The following FBXO25 variants were observed in gnomAD, a reference collection of about 807,000 sequenced individuals.
The protein encoded by FBXO25 is F-box protein 25, also known as F-box only protein 25.
Under a neutral mutation model 51.9 loss-of-function variants are expected in FBXO25, and 45 were observed. The observed-to-expected ratio is 0.87, with a 90% confidence interval of 0.68 to 1.11. FBXO25 has a LOEUF of 1.11. FBXO25 is among the 50% of genes most tolerant of loss of function. The pLI is 0.00. For synonymous variants in FBXO25, 199 were observed against 151.0 expected (o/e 1.32, Z -2.33); for missense variants, 507 against 428.5 (o/e 1.18, Z -1.62).
intron 4 of FBXO25, 74 bp from the exon 5 acceptor site, chr8:435,541 C>T (rs1045385583): frequency 7.3e-6 from 11 of 1,510,078 alleles, no homozygotes; most frequent in African/African-American, 1.4e-5. Flanking sequence ...TTTTTAATCG[C>T]ACAATTAATT....
chr8:407,433 C>T (rs1253083492), intron 1 of FBXO25: 10 of 984,412 alleles, frequency 1.0e-5, no homozygotes, highest in East Asian at 2.3e-4. Context: ...TGGGGGCGGC[C>T]GGCGGGTGTG....
rs186513585 is a variant in FBXO25, at chr8:434,360, C to G, written c.289-1255C>G. 8.4e-4 allele frequency among the ~76,000 whole-genome samples: 128 copies of G among 152,302 alleles called. 1 individual carries two copies. The highest frequency in any genetic ancestry group is 1.3e-3 in the Admixed American group (20 of 15,302). On this transcript the variant is annotated intron_variant, in intron 4 of 9. Coordinates refer to ENST00000350302, the MANE Select transcript of FBXO25 (RefSeq NM_183420.2). ...CCTTGGAAAGTGCCTGCTGCACCAT[C>G]GTGTGGAATATCAGCTGTGATGGAT...
chr8:418,311 T>G (rs754068810), intron 2 of FBXO25, among the ~76,000 whole-genome samples: 1 of 151,746 alleles, frequency 6.6e-6, no homozygotes, highest in Non-Finnish European at 1.5e-5. Flanking sequence ...TTCCTTTCCT[T>G]TCTTTTGTTC....
chr8:408,509 A>C (rs1197091587), intron 1 of FBXO25, among the ~76,000 whole-genome samples: 1 of 152,204 alleles, frequency 6.6e-6, no homozygotes, highest in Non-Finnish European at 1.5e-5. Flanking sequence ...ACATAATGAA[A>C]CTTGTAAAAC....
At chr8:423,431 T>G (rs1484834965) in intron 2 of FBXO25, among the ~76,000 whole-genome samples, 1 of 152,176 alleles carries the variant, frequency 6.6e-6, no homozygotes, top group Non-Finnish European at 1.5e-5. Context: ...GTAGTTTTTT[T>G]TAACCCACCC....
chr8:467,468 G>C (rs952419726), intron 9 of FBXO25, among the ~76,000 whole-genome samples: 3 of 152,180 alleles, frequency 2.0e-5, no homozygotes, highest in Non-Finnish European at 4.4e-5. Flanking sequence ...AGACTTAAAG[G>C]TAGAGATATG....
intron 1 of FBXO25, among the ~76,000 whole-genome samples, chr8:408,295 G>T (rs186217877): frequency 6.6e-6 from 1 of 151,002 alleles, no homozygotes; most frequent in East Asian, 1.9e-4. Flanking sequence ...ATCATTACTT[G>T]AAATCATATT....
chr8:455,868 G>A (rs1007339018), intron 7 of FBXO25, among the ~76,000 whole-genome samples: 5 of 152,308 alleles, frequency 3.3e-5, no homozygotes, highest in South Asian at 4.1e-4. Context: ...TCGAGATTTC[G>A]TTTGGATGAG....
intron 2 of FBXO25, among the ~76,000 whole-genome samples, chr8:415,653 TATTG>T: frequency 6.6e-6 from 1 of 152,246 alleles, no homozygotes; most frequent in Admixed American, 6.5e-5. Context: ...GTGAGTCACA[TATTG>T]ATTGGACTAG....
intron 9 of FBXO25, among the ~76,000 whole-genome samples, chr8:465,728 G>A (rs2116844652): frequency 6.6e-6 from 1 of 152,318 alleles, no homozygotes; most frequent in East Asian, 1.9e-4. Context: ...CTTAACATGT[G>A]TAGTTTTCCA....
At chr8:423,670 C>T (rs1797292457) in intron 2 of FBXO25, among the ~76,000 whole-genome samples, 1 of 152,180 alleles carries the variant, frequency 6.6e-6, no homozygotes, top group Non-Finnish European at 1.5e-5. Flanking sequence ...ATAGGTACCA[C>T]ATTTTCTTTA....
intron 2 of FBXO25, among the ~76,000 whole-genome samples, chr8:415,997 G>T (rs1033048260): frequency 5.9e-5 from 9 of 152,184 alleles, no homozygotes; most frequent in African/African-American, 1.7e-4. Context: ...CATTTGACAA[G>T]GGAGTGTGTA....
At chr8:413,396 A>T (rs1263429623) in intron 2 of FBXO25, among the ~76,000 whole-genome samples, 183 bp downstream of exon 2, 1 of 152,030 alleles carries the variant, frequency 6.6e-6, no homozygotes, top group Non-Finnish European at 1.5e-5. Context: ...TCATACACAG[A>T]TGCTTTCGTC....
intron 2 of FBXO25, among the ~76,000 whole-genome samples, chr8:424,239 G>A (rs1349582669): frequency 2.6e-5 from 4 of 151,116 alleles, no homozygotes; most frequent in Admixed American, 2.6e-4. Flanking sequence ...TTTTGCATAA[G>A]TTCCCTGTAG....
intron 1 of FBXO25, among the ~76,000 whole-genome samples, chr8:411,926 A>G (rs1039051946): frequency 1.3e-5 from 2 of 152,006 alleles, no homozygotes; most frequent in Non-Finnish European, 2.9e-5. Context: ...CTTAGCCTTC[A>G]CCCCCAAATA....
intron 4 of FBXO25, among the ~76,000 whole-genome samples, chr8:433,720 G>A (rs550373563): frequency 6.6e-6 from 1 of 152,260 alleles, no homozygotes; most frequent in East Asian, 1.9e-4. Flanking sequence ...ATAATTTAGG[G>A]AATTACTGTC....
chr8:417,109 C>T (rs1796854340), intron 2 of FBXO25, among the ~76,000 whole-genome samples: 2 of 152,176 alleles, frequency 1.3e-5, no homozygotes, highest in Non-Finnish European at 2.9e-5. Flanking sequence ...CAGCAGGGTT[C>T]CAGCATGGGT....
At chr8:448,605 A>G (rs1001788787) in intron 5 of FBXO25, among the ~76,000 whole-genome samples, 7 of 152,240 alleles carry the variant, frequency 4.6e-5, no homozygotes, top group Non-Finnish European at 8.8e-5. Context: ...AACAGTGTCC[A>G]TCGGACTGGA....
At chr8:450,561 C>T (rs1472525822) in intron 6 of FBXO25, among the ~76,000 whole-genome samples, 1 of 152,066 alleles carries the variant, frequency 6.6e-6, no homozygotes, top group Non-Finnish European at 1.5e-5. Flanking sequence ...TATATTTAAG[C>T]CATTTTAAAG....
Sources: allele counts gnomAD v4.1 joint callset (sites outside exome capture counted in the v4.1 genomes callset), GRCh38; gene constraint gnomAD v4.1.1; transcripts MANE v1.5; gene names NCBI Gene and HGNC (gene_info 2026-07-23, HGNC 2026-07-21).